KIAA1549L: variants seen among roughly 807,000 people sequenced by gnomAD.
The protein encoded by KIAA1549L is UPF0606 protein KIAA1549L.
KIAA1549L carries 88 observed loss-of-function variants against 160.7 expected under a neutral mutation model. The ratio of observed to expected loss-of-function variants is 0.55; its 90% CI spans 0.46 to 0.65. The LOEUF is 0.65. Ranked by LOEUF, KIAA1549L falls within the 30% of genes least tolerant of loss-of-function variation. KIAA1549L has a pLI of 0.00. For missense variants in KIAA1549L, 2,258 were observed against 2,437.5 expected (o/e 0.93, Z 1.55); for synonymous variants, 950 against 976.7 (o/e 0.97, Z 0.51).
chr11:33,648,683 C>A (rs1177224886), intron 17 of KIAA1549L, among the ~76,000 whole-genome samples: 1 of 151,362 alleles, frequency 6.6e-6, no homozygotes, highest in Non-Finnish European at 1.5e-5. Context: ...CATATTTTAC[C>A]CGTTAACTCT....
In KIAA1549L at chr11:33,545,453, CA is replaced by C. The variant is rs1288352410; in HGVS notation, c.3385+76del. 3 of 1,457,834 alleles carry C rather than the reference CA, an allele frequency of 2.1e-6. No individual in the cohort carries two copies. The African/African-American group carries it at 4.2e-5, about 20-fold the overall frequency. The allele number at this position is 1,457,834 out of a possible 1,614,324, so 90.3% of individuals were successfully genotyped here. ...TGTAACCATAATGTTTATTTTAGATCAGTGGTCCTCAACCAGGGGACATTTT... is the reference window on the plus strand; with the variant it reads ...TGTAACCATAATGTTTATTTTAGATCGTGGTCCTCAACCAGGGGACATTTT... On this transcript the variant is annotated intron_variant, in intron 3 of 20. Coordinates refer to ENST00000658780, the MANE Select transcript of KIAA1549L (RefSeq NM_012194.3).
chr11:33,547,791 A>T lies in KIAA1549L; in HGVS notation c.3413A>T (p.Gln1138Leu). Residue 1138 changes from glutamine to leucine, a missense_variant, in exon 4 of 21, where the codon CAG (glutamine) becomes CTG (leucine). By Grantham distance (113) the Gln-to-Leu change is moderately radical (BLOSUM62 -2). This residue lies in a region of KIAA1549L where 1,359 missense variants were observed against 1,546.6 expected (regional missense o/e 0.88). Coordinates refer to ENST00000658780, the MANE Select transcript of KIAA1549L (RefSeq NM_012194.3). ...TVLFLTQRRV[Q>L]ISESLKFSIA... is the part of the protein sequence containing the mutation. ...CTCTTTCTCACCCAAAGGAGAGTGC[A>T]GATCAGTGAATCCTTGAAGTTCAGT... 6.2e-7 allele frequency: 1 copy of T among 1,613,238 alleles called. No homozygotes were observed. The highest frequency in any genetic ancestry group is 2.2e-5 in the East Asian group (1 of 44,854).
At chr11:33,502,697 A>G (rs998170809) in intron 1 of KIAA1549L, among the ~76,000 whole-genome samples, 3 of 152,196 alleles carry the variant, frequency 2.0e-5, no homozygotes, top group African/African-American at 7.2e-5. Flanking sequence ...TGCTTCATGG[A>G]GTATAGTGTG....
rs762186531 is a variant in KIAA1549L at position 33,667,942 on chromosome 11, C to T, written c.6229C>T (p.Pro2077Ser). 3.1e-6 allele frequency: 5 copies of T among 1,613,750 alleles called. No homozygotes were observed. Among genetic ancestry groups the T allele is most frequent in the Non-Finnish European group, 4.2e-6 (5 of 1,179,870 alleles). ...RYPQSSPSRL[P>S]RQYSQPANLH... ...CCCCCAGAGCTCTCCCTCCAGGCTT[C>T]CTCGTCAGTACAGCCAGCCAGCCAA... The change falls in exon 21 of 21, where the codon CCT (proline) becomes TCT (serine). Residue 2077 changes from proline to serine, a missense_variant. Physicochemically the swap from Pro to Ser is moderately conservative, Grantham distance 74. Coordinates refer to ENST00000658780, the MANE Select transcript of KIAA1549L (RefSeq NM_012194.3).
Position 33,673,554 on chromosome 11 carries a change from A to AT in KIAA1549L, c.*5401dup, listed in dbSNP as rs1852720507. On this transcript the variant is annotated 3_prime_UTR_variant, in exon 21 of 21. Transcript: ENST00000658780. ...TGGTCTCTGATTCCTCATCTGTCAA[A>AT]TGAGTATAAGACCCTCTGTACTTCC... 2 of 152,210 alleles carry AT rather than the reference A, an allele frequency of 1.3e-5. No homozygotes were observed. The highest frequency in any genetic ancestry group is 4.1e-4 in the South Asian group (2 of 4,826). 9.4% of individuals were successfully genotyped at this position (152,210 alleles called of 1,614,324 possible). A position where few individuals can be genotyped will look rare whatever the true frequency, so the allele number is the denominator to read the frequency against.
intron 13 of KIAA1549L, among the ~76,000 whole-genome samples, chr11:33,602,020 T>A (rs758633774): frequency 6.6e-6 from 1 of 152,344 alleles, no homozygotes; most frequent in African/African-American, 2.4e-5. Flanking sequence ...ATGGAAAATA[T>A]GTTTAATAGG....
At chr11:33,564,756 T>C (rs993506293) in intron 8 of KIAA1549L, among the ~76,000 whole-genome samples, 2 of 139,156 alleles carry the variant, frequency 1.4e-5, no homozygotes, top group Non-Finnish European at 3.3e-5. Flanking sequence ...AGCAAGCCAC[T>C]TGGGCCATGT....
At chr11:33,643,154 G>A (rs1851631959) in intron 16 of KIAA1549L, among the ~76,000 whole-genome samples, 2 of 152,200 alleles carry the variant, frequency 1.3e-5, no homozygotes. Flanking sequence ...TGGAAACCCT[G>A]TGGGGGAAGC....
intron 1 of KIAA1549L, among the ~76,000 whole-genome samples, chr11:33,408,811 A>G (rs1034343291): frequency 3.6e-4 from 55 of 151,004 alleles, no homozygotes; most frequent in Non-Finnish European, 7.4e-4. Flanking sequence ...TTAGCCGGAC[A>G]TAGTGGCGCA....
chr11:33,497,774 A>G (rs1185582040), intron 1 of KIAA1549L, among the ~76,000 whole-genome samples: 2 of 152,240 alleles, frequency 1.3e-5, no homozygotes, highest in African/African-American at 4.8e-5. Flanking sequence ...AATTACCACT[A>G]AAGTTTGTGT....
chr11:33,501,043 C>T (rs2133086740), intron 1 of KIAA1549L, among the ~76,000 whole-genome samples: 1 of 152,140 alleles, frequency 6.6e-6, no homozygotes, highest in East Asian at 1.9e-4. Flanking sequence ...TTATTGCTGT[C>T]CGTGGTGCTG....
chr11:33,551,569 G>A (rs1854463672), intron 5 of KIAA1549L, among the ~76,000 whole-genome samples: 1 of 138,630 alleles, frequency 7.2e-6, no homozygotes, highest in African/African-American at 2.8e-5. Context: ...ACTAATAATA[G>A]TTGAACATGC....
rs193298814 is a variant in KIAA1549L at position 33,666,845 on chromosome 11, G to C, written c.6160-1028G>C. Among the ~76,000 whole-genome samples, 98 of 152,298 alleles carry C rather than the reference G, an allele frequency of 6.4e-4. 1 individual carries two copies. The highest frequency in any genetic ancestry group is 2.2e-3 in the African/African-American group (93 of 41,560). On this transcript the variant is annotated intron_variant, in intron 20 of 20. Transcript: ENST00000658780. ...TCTTGGTAGCTTGTCGCCTTAGACCGTGGCACTCTTCAGTTTCCTCATCTG... is the reference window on the plus strand; with the variant it reads ...TCTTGGTAGCTTGTCGCCTTAGACCCTGGCACTCTTCAGTTTCCTCATCTG...
At chr11:33,592,745 G>C (rs537154478) in intron 12 of KIAA1549L, among the ~76,000 whole-genome samples, 1 of 152,320 alleles carries the variant, frequency 6.6e-6, no homozygotes, top group South Asian at 2.1e-4. Flanking sequence ...CCAAAGCACA[G>C]TTAAGGGATA....
At chr11:33,383,636 C>G (rs1850116864) in intron 1 of KIAA1549L, among the ~76,000 whole-genome samples, 4 of 152,198 alleles carry the variant, frequency 2.6e-5, no homozygotes, top group African/African-American at 7.2e-5. Flanking sequence ...GGACCCTGCT[C>G]TCAGGCAGCC....
At chr11:33,565,738 C>T (rs1358618112) in intron 8 of KIAA1549L, among the ~76,000 whole-genome samples, 7 of 143,820 alleles carry the variant, frequency 4.9e-5, no homozygotes, top group Admixed American at 6.9e-5. Context: ...TTTTTATTGG[C>T]TGGGTGTGTT....
chr11:33,612,613 T>C (rs2133335155), intron 15 of KIAA1549L, among the ~76,000 whole-genome samples: 1 of 152,110 alleles, frequency 6.6e-6, no homozygotes, highest in South Asian at 2.1e-4. Context: ...TTTTTTTTTT[T>C]CTTTTCTTTT....
chr11:33,440,865 T>C (rs1004733323), intron 1 of KIAA1549L, among the ~76,000 whole-genome samples: 1 of 152,212 alleles, frequency 6.6e-6, no homozygotes, highest in African/African-American at 2.4e-5. Context: ...ATCACCCTTG[T>C]CCTGATAGAT....
At chr11:33,420,008 T>G (rs1396318179) in intron 1 of KIAA1549L, among the ~76,000 whole-genome samples, 2 of 152,106 alleles carry the variant, frequency 1.3e-5, no homozygotes, top group Non-Finnish European at 2.9e-5. Flanking sequence ...ACTGGCCTAA[T>G]AAGTCCAGAA....
Sources: gnomAD v4.1 joint callset for allele counts (sites outside exome capture counted in the v4.1 genomes callset) on GRCh38, gnomAD v4.1.1 for gene constraint, gnomAD v4.1.1 regional missense constraint, MANE v1.5 for transcripts, NCBI Gene and HGNC (gene_info 2026-07-23, HGNC 2026-07-21) for gene names.